The following DNHD1 variants were observed in gnomAD, a reference collection of about 807,000 sequenced individuals.
DNHD1 encodes dynein heavy chain domain-containing protein 1.
DNHD1 carries 383 observed loss-of-function variants against 458.1 expected under a neutral mutation model. That is an observed-to-expected ratio of 0.84 (90% CI 0.77 to 0.91). The LOEUF is 0.91. Among genes scored for constraint, DNHD1 ranks in the 40% least tolerant of loss-of-function variants. The pLI, the probability that DNHD1 is intolerant of heterozygous loss-of-function variation, is 0.00. For synonymous variants in DNHD1, 2,203 were observed against 2,376.9 expected, an observed-to-expected ratio of 0.93 and a Z score of 2.13; for missense variants, 5,336 against 5,866.1, an observed-to-expected ratio of 0.91 and a Z score of 2.95.
chr11:6,544,309 G>A, intron 19 of DNHD1, 63 bp downstream of exon 19: 1 of 1,536,634 alleles, frequency 6.5e-7, no homozygotes, highest in African/African-American at 1.4e-5. Flanking sequence ...CCAGAGGGAT[G>A]GGGGTGAGAG....
chr11:6,556,048 A>G (rs1403620676), intron 24 of DNHD1, among the ~76,000 whole-genome samples: 1 of 152,206 alleles, frequency 6.6e-6, no homozygotes, highest in Non-Finnish European at 1.5e-5. Context: ...TGGTGCGATC[A>G]GGGCTCACTC....
At chr11:6,508,741 T>G in intron 4 of DNHD1, 139 bp from the exon 5 acceptor site, 1 of 693,590 alleles carries the variant, frequency 1.4e-6, no homozygotes, top group Non-Finnish European at 2.4e-6. Flanking sequence ...TAAAAATCAT[T>G]CTGCTCTCTT....
At chr11:6,551,731 A>T (rs1350519469) in intron 24 of DNHD1, among the ~76,000 whole-genome samples, 5 of 152,184 alleles carry the variant, frequency 3.3e-5, no homozygotes, top group Admixed American at 6.5e-5. Flanking sequence ...TCACGAGGTC[A>T]GGAGATGGAG....
chr11:6,531,604 T>C (rs1359877103), intron 12 of DNHD1, among the ~76,000 whole-genome samples: 1 of 152,186 alleles, frequency 6.6e-6, no homozygotes, highest in Non-Finnish European at 1.5e-5. Context: ...AAAGGGACAG[T>C]GTGAAAAAGG....
chr11:6,548,568 C>G lies in DNHD1; in HGVS notation c.7099-77C>G. On this transcript the variant is annotated intron_variant, in intron 23 of 42. Transcript: ENST00000254579. This position sits in a 1 kb window ranked among gnomAD's most constrained non-coding sequence, Gnocchi z 4.4. ...TTCCAAGTACAGCTCTAGGACAAGT[C>G]CCTTAGACTTTTATTTTCAGCTAGA... 1 of 1,515,274 alleles carries G rather than the reference C, an allele frequency of 6.6e-7. No homozygotes were observed. Among genetic ancestry groups the G allele is most frequent in the South Asian group, 1.2e-5 (1 of 82,202 alleles). The allele number at this position is 1,515,274 out of a possible 1,614,324, so 93.9% of individuals were successfully genotyped here.
chr11:6,544,548 C>G, intron 19 of DNHD1, 26 bp from the exon 20 acceptor site: 1 of 1,533,966 alleles, frequency 6.5e-7, no homozygotes, highest in Non-Finnish European at 8.8e-7. Flanking sequence ...TGTTTCCCAC[C>G]AGCATTCCTC....
In DNHD1 at chr11:6,558,663, G is replaced by A. The variant is rs1311138183; in HGVS notation, c.9181G>A (p.Glu3061Lys). The A allele has an allele frequency of 1.0e-5, 16 of 1,551,102 alleles. No individual in the cohort carries two copies. Among genetic ancestry groups the A allele is most frequent in the Non-Finnish European group, 1.3e-5 (15 of 1,146,994 alleles). ...GGCCAAGGTGGCCCAGCATCACCTGGAGGGTGCTCAGAGTGTGCCCCTTGA... is the reference window on the plus strand; with the variant it reads ...GGCCAAGGTGGCCCAGCATCACCTGAAGGGTGCTCAGAGTGTGCCCCTTGA... ...ALAKVAQHHL[E>K]GAQSVPLDDG... is the part of the protein sequence containing the mutation. Residue 3061 changes from glutamate (E) to lysine (K), a missense_variant, in exon 26 of 43, where the codon GAG becomes AAG. Physicochemically the swap from Glu to Lys is moderately conservative, Grantham distance 56. Around this residue, in one of 4 missense-constraint regions of DNHD1, gnomAD observed 3,932 missense variants for 4,365.6 expected, o/e 0.90. Coordinates refer to ENST00000254579, the MANE Select transcript of DNHD1 (RefSeq NM_144666.3).
chr11:6,512,539 G>T (rs112476660), intron 7 of DNHD1, among the ~76,000 whole-genome samples: 2 of 152,056 alleles, frequency 1.3e-5, no homozygotes, highest in Admixed American at 1.3e-4. Context: ...AGGAATTTCT[G>T]TTCCTAGGAG....
chr11:6,563,844 A>G lies in DNHD1; in HGVS notation c.10004A>G (p.His3335Arg), dbSNP rs886468000. The G allele has an allele frequency of 1.9e-6, 3 of 1,551,576 alleles. No homozygotes were observed. The highest frequency in any genetic ancestry group is 2.7e-5 in the African/African-American group (2 of 73,072). The change falls in exon 31 of 43, where the codon CAC (histidine) becomes CGC (arginine). Residue 3335 changes from histidine (H) to arginine (R), a missense_variant. Physicochemically the swap from His to Arg is conservative, Grantham distance 29 (BLOSUM62 0). Transcript: ENST00000254579. ...GCAGCCTGGCTCTGGGCTGTTCTGC[A>G]CTATGGGCTGGCGCATTGCCGGGGA... ...SLAAWLWAVL[H>R]YGLAHCRGLP...
Position 6,498,529 on chromosome 11 carries a change from TGCCCTTCCTGGAGCA to T in DNHD1, c.317_331del (p.Pro106_Gln110del). Reference sequence around the variant, plus strand: ...TTGCTAGTTGGCCACCTTGATTTGCTGCCCTTCCTGGAGCAGCTGTACTGCTGGGCACCCTGGGTC... The same window carrying T: ...TTGCTAGTTGGCCACCTTGATTTGCTGCTGTACTGCTGGGCACCCTGGGTC... On this transcript the variant is annotated inframe_deletion, in exon 3 of 43. Coordinates refer to ENST00000254579, the MANE Select transcript of DNHD1 (RefSeq NM_144666.3). 6.2e-7 allele frequency: 1 copy of T among 1,614,230 alleles called. No individual in the cohort carries two copies. The highest frequency in any genetic ancestry group is 8.5e-7 in the Non-Finnish European group (1 of 1,180,030).
intron 12 of DNHD1, among the ~76,000 whole-genome samples, chr11:6,530,278 C>A (rs1237209081): frequency 6.6e-6 from 1 of 152,184 alleles, no homozygotes; most frequent in Non-Finnish European, 1.5e-5. Context: ...TCTACCCCTG[C>A]TAATTGAACG....
At chr11:6,530,921 G>A (rs1276019712) in intron 12 of DNHD1, among the ~76,000 whole-genome samples, 1 of 145,238 alleles carries the variant, frequency 6.9e-6, no homozygotes, top group Non-Finnish European at 1.5e-5. Flanking sequence ...AGAGGAGCAG[G>A]TGGAGAGAAA....
Position 6,571,104 on chromosome 11 carries a change from G to A in DNHD1, c.13592G>A (p.Gly4531Asp). 6.3e-7 allele frequency: 1 copy of A among 1,597,700 alleles called. No homozygotes were observed. The change falls in exon 42 of 43, where the codon GGC becomes GAC. Residue 4531 changes from glycine to aspartate, a missense_variant. Around this residue, in one of 4 missense-constraint regions of DNHD1, gnomAD observed 698 missense variants for 664.9 expected, o/e 1.05. Coordinates refer to ENST00000254579, the MANE Select transcript of DNHD1 (RefSeq NM_144666.3). The surrounding 1 kb of genome is among the most constrained non-coding windows in gnomAD (Gnocchi z 5.0). ...CAAVAHALWT[G>D]RLPLPWRPHA... ...GCGGTGGCCCACGCTCTCTGGACTG[G>A]CCGCCTACCCTTGCCTTGGCGACCT...
Position 6,544,879 on chromosome 11 carries a change from C to T in DNHD1, c.3940C>T (p.Pro1314Ser). The change falls in exon 21 of 43, where the codon CCC (proline) becomes TCC (serine). Residue 1314 changes from proline (P) to serine (S), a missense_variant. By Grantham distance (74) the Pro-to-Ser change is moderately conservative. Coordinates refer to ENST00000254579, the MANE Select transcript of DNHD1 (RefSeq NM_144666.3). ...CCCCATGGTTCTGTCACTTGTAGTGCCCAGTGCCGAGAGGAGCCCTTACTT... is the reference window on the plus strand; with the variant it reads ...CCCCATGGTTCTGTCACTTGTAGTGTCCAGTGCCGAGAGGAGCCCTTACTT... The part of the protein sequence containing the change: ...ADPMVLSLVV[P>S]SAERSPYFQG... The T allele has an allele frequency of 6.4e-7, 1 of 1,551,652 alleles. No homozygotes were observed. Among genetic ancestry groups the T allele is most frequent in the Non-Finnish European group, 8.7e-7 (1 of 1,146,968 alleles).
intron 14 of DNHD1, among the ~76,000 whole-genome samples, chr11:6,536,896 T>A (rs537319067): frequency 5.3e-5 from 8 of 152,228 alleles, no homozygotes; most frequent in Admixed American, 5.2e-4. Flanking sequence ...TCTTTGAGTT[T>A]AGACAAAGAC....
At chr11:6,506,524 G>C (rs1278630282) in intron 4 of DNHD1, among the ~76,000 whole-genome samples, 1 of 152,026 alleles carries the variant, frequency 6.6e-6, no homozygotes, top group Non-Finnish European at 1.5e-5. Context: ...TCTTTCACTT[G>C]CTGTTTCATT....
At chr11:6,534,327 A>C in intron 14 of DNHD1, 154 bp downstream of exon 14, 1 of 820,158 alleles carries the variant, frequency 1.2e-6, no homozygotes, top group Non-Finnish European at 1.9e-6. Context: ...TGAAAATTTC[A>C]GGACAAAAAC....
intron 10 of DNHD1, among the ~76,000 whole-genome samples, chr11:6,522,515 G>T (rs1322907357): frequency 6.6e-6 from 1 of 152,044 alleles, no homozygotes; most frequent in East Asian, 1.9e-4. Flanking sequence ...CAACTATTGG[G>T]TACTAGGATT....
intron 12 of DNHD1, among the ~76,000 whole-genome samples, chr11:6,532,302 A>T (rs958791867): frequency 6.6e-6 from 1 of 152,022 alleles, no homozygotes. Context: ...TTACAACGGG[A>T]TCTTAGATTT....
Sources: allele counts gnomAD v4.1 joint callset (sites outside exome capture counted in the v4.1 genomes callset), GRCh38; gene constraint gnomAD v4.1.1; regional missense constraint gnomAD v4.1.1; non-coding constraint Gnocchi (gnomAD v3.1); transcripts MANE v1.5; gene names NCBI Gene and HGNC (gene_info 2026-07-23, HGNC 2026-07-21).